Variants in PEPD observed in about 807,000 individuals in gnomAD.
The protein encoded by PEPD is peptidase D, also known as xaa-Pro dipeptidase.
In PEPD, 53 loss-of-function variants were observed where a neutral mutation model predicts 60.7. The observed-to-expected ratio is 0.87, with a 90% CI of 0.70 to 1.10. PEPD has a LOEUF of 1.10. Ranked by LOEUF, PEPD falls within the 50% of genes least tolerant of loss-of-function variation. The probability of loss-of-function intolerance (pLI) is 0.00; values close to 1 mark genes in which losing one functional copy is unlikely to be tolerated. For synonymous variants in PEPD, 267 were observed against 284.1 expected, an observed-to-expected ratio of 0.94 and a Z score of 0.60; for missense variants, 711 against 711.9, an observed-to-expected ratio of 1.00 and a Z score of 0.01.
chr19:33,405,963 T>G (rs916965509), intron 11 of PEPD, among the ~76,000 whole-genome samples: 8 of 152,276 alleles, frequency 5.3e-5, no homozygotes, highest in Non-Finnish European at 1.2e-4. Flanking sequence ...GCCTCCTGGG[T>G]GTCTGGAGGG....
chr19:33,401,577 C>A, intron 12 of PEPD, 144 bp downstream of exon 12: 1 of 796,996 alleles, frequency 1.3e-6, no homozygotes, highest in South Asian at 1.5e-5. Context: ...AGACCTGACG[C>A]CACTGGAATC....
chr19:33,430,020 G>T (rs112453839), intron 9 of PEPD, among the ~76,000 whole-genome samples: 1,561 of 152,304 alleles, frequency 0.01, 30 homozygotes, highest in African/African-American at 0.035. Flanking sequence ...TGGGAGGAGG[G>T]GTGTCCTGCA....
intron 9 of PEPD, among the ~76,000 whole-genome samples, chr19:33,423,516 C>T (rs940904609): frequency 3.9e-5 from 6 of 152,222 alleles, no homozygotes; most frequent in Non-Finnish European, 7.3e-5. Flanking sequence ...CTGCAAGGCT[C>T]GTCTGCCCAC....
intron 6 of PEPD, among the ~76,000 whole-genome samples, chr19:33,486,647 G>A (rs1191950142): frequency 6.6e-6 from 1 of 152,166 alleles, no homozygotes; most frequent in Non-Finnish European, 1.5e-5. Context: ...GCAGCAGGCG[G>A]CCTGGCCCTG....
In PEPD at chr19:33,478,092, T is replaced by C. The variant is rs753775083; in HGVS notation, c.504-2A>G. ...AGAATGGTATTGTTGACTTCGAACC[T>C]GTAGGGCGAAAAGAAATCAAGCCCA... On this transcript the variant is annotated splice_acceptor_variant, in intron 6 of 14. Coordinates refer to ENST00000244137, the MANE Select transcript of PEPD (RefSeq NM_000285.4). LOFTEE classifies it high-confidence loss of function. 7 of 1,606,666 alleles carry C rather than the reference T, an allele frequency of 4.4e-6. No homozygotes were observed. Among genetic ancestry groups the C allele is most frequent in the Non-Finnish European group, 6.0e-6 (7 of 1,174,730 alleles).
At position 33,449,324 on chromosome 19, in the gene PEPD, C is replaced by T. The variant is rs76396465; in HGVS notation, c.671+13671G>A. ...GGCCTGAGCAATTTCAGCAGAGCCC[C>T]GCATGGTGGGGTCAATCAGACAGCT... On this transcript the variant is annotated intron_variant, in intron 9 of 14. Transcript: ENST00000244137. Among the ~76,000 whole-genome samples the T allele has an allele frequency of 9.9e-5, 15 of 152,140 alleles. 1 individual carries two copies. The highest frequency in any genetic ancestry group is 2.2e-4 in the Non-Finnish European group (15 of 68,030).
At chr19:33,515,545 C>T (rs757216074) in intron 1 of PEPD, among the ~76,000 whole-genome samples, 26 of 152,056 alleles carry the variant, frequency 1.7e-4, no homozygotes, top group Non-Finnish European at 3.4e-4. Flanking sequence ...ACCTTGTGCT[C>T]GGATATCCCC....
At chr19:33,469,394 GC>G (rs1327874926) in intron 7 of PEPD, among the ~76,000 whole-genome samples, 1 of 152,136 alleles carries the variant, frequency 6.6e-6, no homozygotes, top group Non-Finnish European at 1.5e-5. Flanking sequence ...CCGCAGGAGG[GC>G]TATTCTCAAC....
In PEPD at chr19:33,431,552, CAG is replaced by C. The variant is rs1969275242; in HGVS notation, c.672-17911_672-17910del. Among the ~76,000 whole-genome samples the C allele has an allele frequency of 2.0e-5, 3 of 152,132 alleles. No individual in the cohort carries two copies. The South Asian group carries it at 6.2e-4, about 31-fold the overall frequency. On this transcript the variant is annotated intron_variant, in intron 9 of 14. Transcript: ENST00000244137. ...CACTTTCTACCTCTCCTTTTTGCCA[CAG>C]GGGGAAAAATTCTTCCTGGGAAGGA...
chr19:33,443,670 T>C (rs1275988633), intron 9 of PEPD, among the ~76,000 whole-genome samples: 1 of 151,982 alleles, frequency 6.6e-6, no homozygotes, highest in Admixed American at 6.5e-5. Flanking sequence ...TTTTAAACTC[T>C]TATTCCAAAA....
At chr19:33,458,592 G>A (rs1277924403) in intron 9 of PEPD, among the ~76,000 whole-genome samples, 2 of 136,988 alleles carry the variant, frequency 1.5e-5, no homozygotes, top group African/African-American at 2.8e-5. Flanking sequence ...GTGTGTGTGT[G>A]GTGAGTATGG....
chr19:33,508,829 C>T (rs1375991196), intron 3 of PEPD, among the ~76,000 whole-genome samples: 1 of 152,250 alleles, frequency 6.6e-6, no homozygotes, highest in Non-Finnish European at 1.5e-5. Flanking sequence ...TGTCCAGAAA[C>T]ACTGCTGTGG....
chr19:33,514,131 T>C (rs933170254), intron 1 of PEPD, among the ~76,000 whole-genome samples: 1 of 151,816 alleles, frequency 6.6e-6, no homozygotes, highest in Non-Finnish European at 1.5e-5. Context: ...GGAGAGATAA[T>C]GGGGATGAGG....
intron 9 of PEPD, among the ~76,000 whole-genome samples, chr19:33,459,285 G>C (rs1969883249): frequency 6.6e-6 from 1 of 152,164 alleles, no homozygotes; most frequent in Non-Finnish European, 1.5e-5. Flanking sequence ...ACAGCTCAGA[G>C]AGAAAGAGCA....
intron 9 of PEPD, among the ~76,000 whole-genome samples, chr19:33,462,306 C>T (rs1969940475): frequency 6.6e-6 from 1 of 152,194 alleles, no homozygotes; most frequent in Non-Finnish European, 1.5e-5. Context: ...CTCCCCAGAG[C>T]TTCCAGGTGG....
intron 9 of PEPD, among the ~76,000 whole-genome samples, chr19:33,430,020 G>A (rs112453839): frequency 1.3e-5 from 2 of 152,196 alleles, no homozygotes; most frequent in African/African-American, 4.8e-5. Flanking sequence ...TGGGAGGAGG[G>A]GTGTCCTGCA....
intron 9 of PEPD, among the ~76,000 whole-genome samples, chr19:33,419,751 T>C (rs1968971785): frequency 1.3e-5 from 2 of 152,216 alleles, no homozygotes; most frequent in African/African-American, 4.8e-5. Flanking sequence ...CTTGCACCCA[T>C]GCACAAGGCC....
At chr19:33,469,571 C>T (rs1328421881) in intron 7 of PEPD, among the ~76,000 whole-genome samples, 3 of 152,198 alleles carry the variant, frequency 2.0e-5, no homozygotes, top group Admixed American at 2.0e-4. Context: ...CTGTCCTCTC[C>T]TCCCTCCCTT....
intron 11 of PEPD, among the ~76,000 whole-genome samples, chr19:33,402,380 A>G (rs1968517641): frequency 6.6e-6 from 1 of 152,018 alleles, no homozygotes; most frequent in Non-Finnish European, 1.5e-5. Flanking sequence ...GGGACCCCGG[A>G]TGGGATGCAC....
Sources: allele counts gnomAD v4.1 joint callset (sites outside exome capture counted in the v4.1 genomes callset), GRCh38; gene constraint gnomAD v4.1.1; transcripts MANE v1.5; gene names NCBI Gene and HGNC (gene_info 2026-07-23, HGNC 2026-07-21).